Variants in ARVCF observed in about 807,000 individuals in gnomAD.
ARVCF encodes the protein ARVCF delta catenin family member, also known as splicing regulator ARVCF.
ARVCF carries 66 observed loss-of-function variants against 90.9 expected under a neutral mutation model. That is an observed-to-expected ratio of 0.73 (90% CI 0.60 to 0.89). The LOEUF is 0.89. ARVCF is among the 40% of genes least tolerant of loss of function. ARVCF has a pLI of 0.00. For missense variants in ARVCF, 1,469 were observed against 1,382.3 expected, an observed-to-expected ratio of 1.06 and a Z score of -1.00; for synonymous variants, 653 against 603.4, an observed-to-expected ratio of 1.08 and a Z score of -1.21.
At chr22:20,002,495 T>C (rs974428448) in intron 2 of ARVCF, among the ~76,000 whole-genome samples, 9 of 152,230 alleles carry the variant, frequency 5.9e-5, no homozygotes, top group African/African-American at 1.2e-4. Context: ...CTCTCCTCTC[T>C]ACTTGAGATC....
chr22:19,965,859 G>T (rs1379977199), downstream of ARVCF, among the ~76,000 whole-genome samples: 2 of 152,162 alleles, frequency 1.3e-5, no homozygotes, highest in African/African-American at 4.8e-5. Context: ...AGACAGGGTA[G>T]CTGGAGGGGG....
In ARVCF at chr22:20,000,694, G is replaced by C. The variant is rs74674870; in HGVS notation, c.-19+9761C>G. Among the ~76,000 whole-genome samples the C allele has an allele frequency of 6.7e-3, 1,015 of 152,346 alleles. 5 individuals carry two copies. Among genetic ancestry groups the C allele is most frequent in the Middle Eastern group, 0.017 (5 of 294 alleles). ...TTCACATTAAAACCTAATCTCCAAT[G>C]TGACAGTATTAAGAGGTAGGGCCTT... is the stretch of plus-strand genomic sequence containing the variant. On this transcript the variant is annotated intron_variant, in intron 2 of 19. Transcript: ENST00000263207.
chr22:19,993,169 C>T (rs1302592188), intron 2 of ARVCF, among the ~76,000 whole-genome samples: 2 of 151,870 alleles, frequency 1.3e-5, no homozygotes, highest in African/African-American at 2.4e-5. Context: ...GCCCTAGGCC[C>T]GCAGGTCATG....
At chr22:19,972,498 C>A (rs1453727874) in intron 16 of ARVCF, 87 bp from the exon 17 acceptor site, 1 of 1,526,838 alleles carries the variant, frequency 6.5e-7, no homozygotes, top group Non-Finnish European at 9.0e-7. Context: ...GCCCAGGTAG[C>A]CCTAGAGGCT....
In ARVCF at chr22:19,977,966, C is replaced by A. The variant is rs1311022256; in HGVS notation, c.1690G>T (p.Asp564Tyr). The part of the protein sequence containing the change: ...LQSAVGRKDT[D>Y]NKSVENCVCI... ...TGACCGTCCCTGCCCACCTTGTTGT[C>A]AGTGTCCTTCCGGCCCACAGCCGAC... Residue 564 changes from aspartate to tyrosine, a missense_variant, in exon 8 of 20, where the codon GAC becomes TAC. Physicochemically the swap from Asp to Tyr is radical, Grantham distance 160. Transcript: ENST00000263207. The A allele has an allele frequency of 2.5e-6, 4 of 1,607,244 alleles. No individual in the cohort carries two copies. The highest frequency in any genetic ancestry group is 3.4e-6 in the Non-Finnish European group (4 of 1,176,794).
chr22:19,974,576 G>A (rs937438511), intron 11 of ARVCF, among the ~76,000 whole-genome samples: 18 of 152,036 alleles, frequency 1.2e-4, no homozygotes, highest in Non-Finnish European at 2.4e-4. Context: ...TATGCATCCT[G>A]GCCACGCCCC....
rs1469199466 is a variant in ARVCF at position 19,972,389 on chromosome 22, C to T, written c.2664G>A (p.Arg888=). Residue 888 remains arginine (R), a synonymous_variant, in exon 17 of 20, where the codon CGG becomes CGA. Transcript: ENST00000263207. ...CCAGCGCATCCATGGGGATCACATC[C>T]CGGCTGCCAGTTTTCTCGCCCTCTG... The part of the protein sequence containing the change: ...KSLEGEKTGS[R]DVIPMDALGP... The T allele has an allele frequency of 6.2e-7, 1 of 1,613,674 alleles. No homozygotes were observed. Among genetic ancestry groups the T allele is most frequent in the South Asian group, 1.1e-5 (1 of 91,090 alleles).
chr22:20,005,871 C>T (rs529858126), intron 2 of ARVCF, among the ~76,000 whole-genome samples: 1 of 151,680 alleles, frequency 6.6e-6, no homozygotes, highest in East Asian at 1.9e-4. Context: ...CAGCATTATT[C>T]ACAATAGCCA....
In ARVCF at chr22:19,978,109, G is replaced by A. The variant is rs201936452; in HGVS notation, c.1581-34C>T. On this transcript the variant is annotated intron_variant, in intron 7 of 19. Coordinates refer to ENST00000263207, the MANE Select transcript of ARVCF (RefSeq NM_001670.3). ...CCAAGAGCAGGCCAGGTGACCCCTG[G>A]CTACCAGAAACTCCCTGGCTCCACC... 3.2e-6 allele frequency: 5 copies of A among 1,561,170 alleles called. No homozygotes were observed. The East Asian group carries it at 1.1e-4, about 35-fold the overall frequency.
chr22:20,008,123 G>A (rs1355603587), intron 2 of ARVCF, among the ~76,000 whole-genome samples: 4 of 152,210 alleles, frequency 2.6e-5, no homozygotes, highest in African/African-American at 9.6e-5. Flanking sequence ...GGCAGAAAGA[G>A]GAGTGAAGAA....
intron 2 of ARVCF, among the ~76,000 whole-genome samples, chr22:19,999,664 G>C (rs1337211607): frequency 1.3e-5 from 2 of 152,210 alleles, no homozygotes; most frequent in African/African-American, 2.4e-5. Flanking sequence ...GTGTGGGTGG[G>C]AGAATTAAGT....
chr22:19,983,306 C>A (rs1185546644), intron 3 of ARVCF, among the ~76,000 whole-genome samples: 1 of 152,238 alleles, frequency 6.6e-6, no homozygotes, highest in Non-Finnish European at 1.5e-5. Context: ...CCCCCTGGGG[C>A]CTGCACAGAC....
chr22:19,968,519 C>A (rs761850766), downstream of ARVCF: 1 of 1,612,116 alleles, frequency 6.2e-7, no homozygotes, highest in South Asian at 1.1e-5. Flanking sequence ...CTCCCCCACC[C>A]CCCGGTCTGT....
At position 19,970,368 on chromosome 22, in the gene ARVCF, A is replaced by T. The variant is rs1180673159; in HGVS notation, c.*388T>A. 5 of 1,003,300 alleles carry T rather than the reference A, an allele frequency of 5.0e-6. No homozygotes were observed. The highest frequency in any genetic ancestry group is 5.9e-6 in the Non-Finnish European group (5 of 841,300). 62.1% of individuals were successfully genotyped at this position (1,003,300 alleles called of 1,614,324 possible). A position where few individuals can be genotyped will look rare whatever the true frequency, so the allele number is the denominator to read the frequency against. ...CCTAGCTGCCTGCCCCTGGCGCCAG[A>T]CCTGGCCCGCACCACTGGGGCACTG... On this transcript the variant is annotated 3_prime_UTR_variant, in exon 20 of 20. Transcript: ENST00000263207.
downstream of ARVCF, chr22:19,967,251 G>C (rs762949433): frequency 7.7e-6 from 10 of 1,290,906 alleles, no homozygotes; most frequent in Non-Finnish European, 1.0e-5. Flanking sequence ...GGCGCAACCC[G>C]AGAAGTCCAG....
At chr22:20,013,556 G>A (rs1238780088) in intron 1 of ARVCF, among the ~76,000 whole-genome samples, 4 of 152,268 alleles carry the variant, frequency 2.6e-5, no homozygotes, top group Non-Finnish European at 4.4e-5. Context: ...AGGAAGCTGG[G>A]TGGAGCCGGT....
chr22:19,999,801 G>C lies in ARVCF; in HGVS notation c.-18-8989C>G, dbSNP rs113197804. 2.5e-3 allele frequency among the ~76,000 whole-genome samples: 386 copies of C among 152,282 alleles called. 2 individuals carry two copies. The Middle Eastern group carries it at 0.027, about 11-fold the overall frequency. On this transcript the variant is annotated intron_variant, in intron 2 of 19. Coordinates refer to ENST00000263207, the MANE Select transcript of ARVCF (RefSeq NM_001670.3). Reference sequence around the variant, plus strand: ...GGACCACTAGATGCATGAAGTTCTGGAAGAAAGGGGTTCAGGCTGGAGACA... The same window carrying C: ...GGACCACTAGATGCATGAAGTTCTGCAAGAAAGGGGTTCAGGCTGGAGACA...
intron 2 of ARVCF, among the ~76,000 whole-genome samples, chr22:19,995,260 G>A (rs190078104): frequency 3.3e-5 from 5 of 152,116 alleles, no homozygotes; most frequent in East Asian, 1.9e-4. Context: ...GGATGGATAC[G>A]GGTGGTGGTA....
chr22:19,966,697 T>C (rs550972620), downstream of ARVCF, among the ~76,000 whole-genome samples: 1 of 152,050 alleles, frequency 6.6e-6, no homozygotes, highest in East Asian at 1.9e-4. Context: ...TGCCTCAACC[T>C]CCCAAAGTGC....
Sources: allele counts gnomAD v4.1 joint callset (sites outside exome capture counted in the v4.1 genomes callset), GRCh38; gene constraint gnomAD v4.1.1; transcripts MANE v1.5; gene names NCBI Gene and HGNC (gene_info 2026-07-23, HGNC 2026-07-21).